PRKAR1B: variants seen among roughly 807,000 people sequenced by gnomAD.
PRKAR1B encodes protein kinase cAMP-dependent type I regulatory subunit beta.
A neutral mutation model predicts 46.5 loss-of-function variants in PRKAR1B; 22 were observed. The ratio of observed to expected loss-of-function variants is 0.47; its 90% CI spans 0.34 to 0.68. The LOEUF is 0.68. Ranked by LOEUF, PRKAR1B falls within the 30% of genes least tolerant of loss-of-function variation. PRKAR1B has a pLI of 0.01. For synonymous variants in PRKAR1B, 259 were observed against 217.7 expected (o/e 1.19, Z -1.67); for missense variants, 445 against 535.6 (o/e 0.83, Z 1.67).
intron 9 of PRKAR1B, among the ~76,000 whole-genome samples, chr7:577,725 T>A (rs1174832084): frequency 1.3e-5 from 2 of 152,134 alleles, no homozygotes; most frequent in Non-Finnish European, 2.9e-5. Context: ...CAAACAACCA[T>A]GGGGCACAGG....
intron 4 of PRKAR1B, among the ~76,000 whole-genome samples, chr7:612,282 AGATG>A (rs1289145373): frequency 5.7e-5 from 8 of 139,760 alleles, no homozygotes; most frequent in Non-Finnish European, 1.1e-4. Context: ...ATGGATGGAT[AGATG>A]GATGGACGGA....
chr7:655,700 G>C (rs1434702048), intron 4 of PRKAR1B, among the ~76,000 whole-genome samples: 1 of 152,218 alleles, frequency 6.6e-6, no homozygotes, highest in Non-Finnish European at 1.5e-5. Context: ...GGCCTGGCCT[G>C]AAGGAGATCC....
At chr7:657,777 G>A (rs912779171) in intron 4 of PRKAR1B, among the ~76,000 whole-genome samples, 18 of 152,282 alleles carry the variant, frequency 1.2e-4, no homozygotes, top group African/African-American at 4.1e-4. Flanking sequence ...CACACAAGAC[G>A]TAAAGCAGAA....
intron 4 of PRKAR1B, among the ~76,000 whole-genome samples, chr7:648,548 T>C (rs1186835949): frequency 2.0e-5 from 3 of 151,642 alleles, no homozygotes; most frequent in Admixed American, 2.0e-4. Context: ...GAGGCGGAGG[T>C]TGCAGTGAGC....
intron 4 of PRKAR1B, among the ~76,000 whole-genome samples, chr7:648,446 T>C (rs1433588425): frequency 6.6e-6 from 1 of 151,662 alleles, no homozygotes; most frequent in East Asian, 2.0e-4. Flanking sequence ...ACTCCATCTC[T>C]ACAAAAATAC....
At position 551,373 on chromosome 7, in the gene PRKAR1B, C is replaced by T. The variant is rs149678999; in HGVS notation, c.973+16G>A. The T allele has an allele frequency of 4.3e-4, 664 of 1,550,986 alleles. 1 individual carries two copies. The highest frequency in any genetic ancestry group is 5.3e-4 in the Non-Finnish European group (609 of 1,146,954). Reference sequence around the variant, plus strand: ...GGCCACAGCCGTGCGAGGGAGGGGACGCCCACTGGACTCACCGAAGTAGTC... The same window carrying T: ...GGCCACAGCCGTGCGAGGGAGGGGATGCCCACTGGACTCACCGAAGTAGTC... On this transcript the variant is annotated intron_variant, in intron 10 of 10. Coordinates refer to ENST00000537384, the MANE Select transcript of PRKAR1B (RefSeq NM_001164760.2).
At chr7:648,133 G>A (rs1242402068) in intron 4 of PRKAR1B, among the ~76,000 whole-genome samples, 2 of 151,092 alleles carry the variant, frequency 1.3e-5, no homozygotes, top group Admixed American at 6.6e-5. Flanking sequence ...GCCACATATC[G>A]AGACTCTACC....
At chr7:697,316 G>A (rs1444316863) in intron 2 of PRKAR1B, among the ~76,000 whole-genome samples, 1 of 152,068 alleles carries the variant, frequency 6.6e-6, no homozygotes, top group Non-Finnish European at 1.5e-5. Flanking sequence ...CCCGAGAGAA[G>A]CCTACACGCA....
intron 4 of PRKAR1B, among the ~76,000 whole-genome samples, chr7:634,587 T>C (rs997269655): frequency 6.6e-6 from 1 of 151,590 alleles, no homozygotes; most frequent in African/African-American, 2.4e-5. Context: ...TGCTTGTTCT[T>C]AGGAGACACC....
intron 2 of PRKAR1B, 103 bp from the exon 3 acceptor site, chr7:680,829 G>A (rs1778639633): frequency 2.2e-6 from 3 of 1,364,732 alleles, no homozygotes; most frequent in East Asian, 2.4e-5. Flanking sequence ...GGACTAGTGG[G>A]AGGATCGCTT....
At chr7:628,554 C>A (rs766819762) in intron 4 of PRKAR1B, among the ~76,000 whole-genome samples, 1 of 152,178 alleles carries the variant, frequency 6.6e-6, no homozygotes, top group Non-Finnish European at 1.5e-5. Flanking sequence ...GAGCAAAGGC[C>A]GGCAGGGGCT....
rs1008778384 is a variant in PRKAR1B at position 597,159 on chromosome 7, G to T, written c.550-855C>A. ...CCCTCTGGGTGTCAATGAGCTTAAAGAATAGTTCCCATTGGCAAAGCAGTT... is the reference window on the plus strand; with the variant it reads ...CCCTCTGGGTGTCAATGAGCTTAAATAATAGTTCCCATTGGCAAAGCAGTT... On this transcript the variant is annotated intron_variant, in intron 6 of 10. Coordinates refer to ENST00000537384, the MANE Select transcript of PRKAR1B (RefSeq NM_001164760.2). Among the ~76,000 whole-genome samples, 10 of 152,388 alleles carry T rather than the reference G, an allele frequency of 6.6e-5. No homozygotes were observed. The East Asian group carries it at 1.9e-3, about 29-fold the overall frequency.
chr7:685,385 C>CATATAT (rs10586228), intron 2 of PRKAR1B, among the ~76,000 whole-genome samples: 1,891 of 79,440 alleles, frequency 0.024, 248 homozygotes, highest in South Asian at 0.059. Flanking sequence ...TATATACATA[C>CATATAT]ATATATATAT....
chr7:671,544 G>T (rs1347774851), intron 4 of PRKAR1B, among the ~76,000 whole-genome samples: 2 of 152,062 alleles, frequency 1.3e-5, no homozygotes, highest in Non-Finnish European at 1.5e-5. Context: ...CTGTAGCCTT[G>T]AACTCCTGAG....
intron 4 of PRKAR1B, among the ~76,000 whole-genome samples, chr7:664,483 C>T (rs1037031312): frequency 1.3e-5 from 2 of 152,202 alleles, no homozygotes; most frequent in African/African-American, 4.8e-5. Context: ...GTGCTGGAGG[C>T]AGAGGCCACG....
chr7:551,426 G>A lies in PRKAR1B; in HGVS notation c.936C>T (p.Tyr312=), dbSNP rs144431535. ...AGGGTCCCAGGCGCCCCACCTCCAC[G>A]TACTCCTCATTGGGGGACCGGCGCT... ...VLQRRSPNEE[Y]VEVGRLGPSD... is the part of the protein sequence containing the mutation. Residue 312 remains tyrosine, a synonymous_variant, in exon 10 of 11, where the codon TAC becomes TAT. Coordinates refer to ENST00000537384, the MANE Select transcript of PRKAR1B (RefSeq NM_001164760.2). 1,271 of 1,560,538 alleles carry A rather than the reference G, an allele frequency of 8.1e-4. 6 individuals are homozygous for A. The African/African-American group carries it at 0.012, about 15-fold the overall frequency.
At chr7:724,902 G>C (rs1781196055) in intron 1 of PRKAR1B, among the ~76,000 whole-genome samples, 1 of 152,222 alleles carries the variant, frequency 6.6e-6, no homozygotes, top group Non-Finnish European at 1.5e-5. Context: ...TACTGAATAT[G>C]CTACATAACA....
chr7:597,017 G>C (rs1295637292), intron 6 of PRKAR1B, among the ~76,000 whole-genome samples: 1 of 152,396 alleles, frequency 6.6e-6, no homozygotes, highest in East Asian at 1.9e-4. Context: ...CCCGCACAGG[G>C]TGCCTACTAT....
chr7:553,543 G>A (rs1784380593), intron 9 of PRKAR1B, among the ~76,000 whole-genome samples: 1 of 152,198 alleles, frequency 6.6e-6, no homozygotes, highest in South Asian at 2.1e-4. Flanking sequence ...GGCACCATCC[G>A]GGTACCCAGG....
Sources: gnomAD v4.1 joint callset for allele counts (sites outside exome capture counted in the v4.1 genomes callset) on GRCh38, gnomAD v4.1.1 for gene constraint, MANE v1.5 for transcripts, NCBI Gene and HGNC (gene_info 2026-07-23, HGNC 2026-07-21) for gene names.